The following TENM1 variants were observed in gnomAD, a reference collection of about 807,000 sequenced individuals.
TENM1 encodes the protein teneurin transmembrane protein 1.
Under a neutral mutation model 174.8 loss-of-function variants are expected in TENM1, and 35 were observed. That is an observed-to-expected ratio of 0.20 (90% CI 0.15 to 0.27). TENM1 has a LOEUF of 0.27. TENM1 is among the 10% of genes least tolerant of loss of function. TENM1 has a pLI of 1.00. For synonymous variants in TENM1, 781 were observed against 798.7 expected (o/e 0.98, Z 0.37); for missense variants, 1,633 against 2,130.1 (o/e 0.77, Z 4.59).
chrX:124,601,586 T>C (rs189116626), intron 11 of TENM1, among the ~76,000 whole-genome samples: 93 of 111,339 alleles, frequency 8.4e-4, no homozygotes, highest in African/African-American at 2.9e-3. Flanking sequence ...AAAAAGTGTC[T>C]GTGGAGAATA....
At chrX:125,194,369 T>G in the TENM1 span, among the ~76,000 whole-genome samples, 1 of 111,337 alleles carries the variant, frequency 9.0e-6, no homozygotes, top group Non-Finnish European at 1.9e-5. Flanking sequence ...TTACTGTCAC[T>G]GCCTTGGTTC....
chrX:124,581,916 T>G (rs1340150039), intron 11 of TENM1, among the ~76,000 whole-genome samples: 2 of 111,727 alleles, frequency 1.8e-5, no homozygotes, highest in Non-Finnish European at 3.8e-5. Context: ...CCGGGATGCA[T>G]GTGTGGGATG....
intron 3 of TENM1, among the ~76,000 whole-genome samples, chrX:124,755,644 G>A (rs1158828430): frequency 1.0e-4 from 11 of 109,364 alleles, no homozygotes; most frequent in South Asian, 3.9e-4. Context: ...TCCTTTCCAC[G>A]TTTAGTGCTT....
At chrX:124,566,363 CT>C (rs2048942408) in intron 11 of TENM1, among the ~76,000 whole-genome samples, 1 of 112,171 alleles carries the variant, frequency 8.9e-6, no homozygotes, top group Admixed American at 9.5e-5. Flanking sequence ...ATGATGTGTA[CT>C]GGCTCTGCTG....
chrX:125,150,284 G>A, the TENM1 span, among the ~76,000 whole-genome samples: 2 of 111,548 alleles, frequency 1.8e-5, no homozygotes. Flanking sequence ...CTAATATATT[G>A]AAAAAGGTAG....
chrX:124,614,355 T>C (rs1295092256), intron 11 of TENM1, among the ~76,000 whole-genome samples: 4 of 112,114 alleles, frequency 3.6e-5, no homozygotes, highest in Non-Finnish European at 7.5e-5. Flanking sequence ...AGAAAATTGG[T>C]CATGGTATAG....
chrX:124,481,002 GAC>G (rs1388277305), intron 22 of TENM1, among the ~76,000 whole-genome samples: 2 of 111,527 alleles, frequency 1.8e-5, no homozygotes, highest in African/African-American at 6.5e-5. Flanking sequence ...TTAATTGGGA[GAC>G]ACAGATTTGT....
At chrX:124,621,304 T>C (rs1306945592) in intron 11 of TENM1, among the ~76,000 whole-genome samples, 2 of 111,137 alleles carry the variant, frequency 1.8e-5, no homozygotes, top group Non-Finnish European at 3.8e-5. Context: ...AAACCCTGTC[T>C]CTACTAAAAA....
At chrX:124,982,356 C>G in the TENM1 span, among the ~76,000 whole-genome samples, 2 of 109,140 alleles carry the variant, frequency 1.8e-5, no homozygotes, top group African/African-American at 6.6e-5. Flanking sequence ...TTCTCCTATG[C>G]AGAATAATAT....
At chrX:125,170,955 T>C in the TENM1 span, among the ~76,000 whole-genome samples, 1 of 111,622 alleles carries the variant, frequency 9.0e-6, no homozygotes, top group African/African-American at 3.3e-5. Context: ...CTTTGAGTAG[T>C]ATATTCCGAG....
chrX:124,597,471 T>C (rs1343816776), intron 11 of TENM1, among the ~76,000 whole-genome samples: 2 of 110,684 alleles, frequency 1.8e-5, no homozygotes, highest in Admixed American at 9.7e-5. Flanking sequence ...AGCTAAGATA[T>C]GAGGATGCAA....
intron 3 of TENM1, among the ~76,000 whole-genome samples, chrX:124,885,951 A>G (rs1190332164): frequency 1.8e-5 from 2 of 111,876 alleles, no homozygotes; most frequent in East Asian, 5.6e-4. Context: ...CTGACCAGCA[A>G]TCTCATGAAT....
intron 5 of TENM1, among the ~76,000 whole-genome samples, chrX:124,701,762 G>A (rs1056973674): frequency 1.2e-4 from 13 of 111,558 alleles, no homozygotes; most frequent in African/African-American, 4.2e-4. Context: ...TTTTTTCCCT[G>A]ATCCAAAAGG....
chrX:124,736,253 A>G (rs751726846), intron 4 of TENM1, among the ~76,000 whole-genome samples: 3 of 112,225 alleles, frequency 2.7e-5, no homozygotes, highest in Non-Finnish European at 5.6e-5. Flanking sequence ...GAAATGATGA[A>G]TAATTTCTTT....
At chrX:125,091,930 AGCCGAGATCAC>A in the TENM1 span, among the ~76,000 whole-genome samples, 207 of 97,814 alleles carry the variant, frequency 2.1e-3, no homozygotes, top group Middle Eastern at 5.0e-3. Context: ...GGTTGCAGTG[AGCCGAGATCAC>A]GCCATTGCAC....
chrX:124,783,109 T>A (rs1376309281), intron 3 of TENM1, among the ~76,000 whole-genome samples: 2 of 112,101 alleles, frequency 1.8e-5, no homozygotes, highest in African/African-American at 6.5e-5. Context: ...TTCTCTATGA[T>A]ATGAGTGTAC....
At chrX:124,455,294 T>A (rs1370197736) in intron 22 of TENM1, among the ~76,000 whole-genome samples, 1 of 111,925 alleles carries the variant, frequency 8.9e-6, no homozygotes, top group African/African-American at 3.2e-5. Flanking sequence ...TAAGGTGGTT[T>A]ATAAAAAGAC....
At position 124,644,528 on chromosome X, in the gene TENM1, T is replaced by C. The variant is rs550659831; in HGVS notation, c.1876+615A>G. Among the ~76,000 whole-genome samples, 83 of 110,489 alleles carry C rather than the reference T, an allele frequency of 7.5e-4. 1 individual carries two copies. Among genetic ancestry groups the C allele is most frequent in the African/African-American group, 2.6e-3 (79 of 30,402 alleles). ...GTAAACTTATTTTCCAGTGCGTCTC[T>C]TTAAATGATAAAACTTGCCATTTCA... is the stretch of plus-strand genomic sequence containing the variant. On this transcript the variant is annotated intron_variant, in intron 10 of 31. Coordinates refer to ENST00000422452, the Ensembl canonical transcript of TENM1.
rs1375084400 is a variant in TENM1 at position 124,563,881 on chromosome X, C to T, written c.2264-109G>A. The T allele has an allele frequency of 4.7e-5, 31 of 655,277 alleles. 1 individual carries two copies. In the South Asian group the frequency reaches 5.2e-4, roughly 11 times the overall value. The allele number at this position is 655,277 out of a possible 1,213,427, so 54.0% of individuals were successfully genotyped here. Reference sequence around the variant, plus strand: ...TGCCTGGGAGGAGAACAGCAAACTGCGCACTGCTGAAATGCCTGCAGCTCA... The same window carrying T: ...TGCCTGGGAGGAGAACAGCAAACTGTGCACTGCTGAAATGCCTGCAGCTCA... On this transcript the variant is annotated intron_variant, in intron 12 of 31. Transcript: ENST00000422452.
Sources: gnomAD v4.1 joint callset for allele counts (sites outside exome capture counted in the v4.1 genomes callset) on GRCh38, gnomAD v4.1.1 for gene constraint, MANE v1.5 for transcripts, NCBI Gene and HGNC (gene_info 2026-07-23, HGNC 2026-07-21) for gene names.